GAREM1: variants seen among roughly 807,000 people sequenced by gnomAD.
The protein encoded by GAREM1 is GRB2 associated regulator of MAPK1 subtype 1.
GAREM1 carries 26 observed loss-of-function variants against 71.3 expected under a neutral mutation model. The ratio of observed to expected loss-of-function variants is 0.36; its 90% CI spans 0.27 to 0.51. The LOEUF is 0.51. Among genes scored for constraint, GAREM1 ranks in the 20% least tolerant of loss-of-function variants. The probability of loss-of-function intolerance (pLI) is 0.95; values close to 1 mark genes in which losing one functional copy is unlikely to be tolerated. For missense variants in GAREM1, 1,026 were observed against 1,103.1 expected (o/e 0.93, Z 0.99); for synonymous variants, 440 against 433.2 (o/e 1.02, Z -0.20).
At chr18:32,418,872 G>A (rs1212221208) in intron 1 of GAREM1, among the ~76,000 whole-genome samples, 3 of 152,178 alleles carry the variant, frequency 2.0e-5, no homozygotes, top group African/African-American at 7.2e-5. Context: ...GAAGGATAAC[G>A]TGTTAGTTTT....
chr18:32,306,061 T>C (rs1364266788), intron 3 of GAREM1, among the ~76,000 whole-genome samples: 1 of 152,256 alleles, frequency 6.6e-6, no homozygotes, highest in African/African-American at 2.4e-5. Flanking sequence ...TACTGTACTG[T>C]CCTGGTTAAC....
intron 2 of GAREM1, among the ~76,000 whole-genome samples, chr18:32,341,546 A>G (rs1276023603): frequency 6.6e-6 from 1 of 152,246 alleles, no homozygotes; most frequent in Admixed American, 6.5e-5. Flanking sequence ...TCCTTGAGGA[A>G]TCATCACACT....
intron 4 of GAREM1, among the ~76,000 whole-genome samples, chr18:32,271,474 T>G (rs767947073): frequency 1.5e-4 from 23 of 152,166 alleles, no homozygotes; most frequent in Non-Finnish European, 2.8e-4. Context: ...TATGAGACAT[T>G]GAGCCAGGCA....
chr18:32,418,798 T>C (rs951132970), intron 1 of GAREM1, among the ~76,000 whole-genome samples: 26 of 152,278 alleles, frequency 1.7e-4, no homozygotes, highest in Non-Finnish European at 3.5e-4. Context: ...TATTGTAAGC[T>C]TGAGAGATGC....
chr18:32,395,790 CT>C (rs1232446751), intron 1 of GAREM1, among the ~76,000 whole-genome samples: 2 of 152,192 alleles, frequency 1.3e-5, no homozygotes, highest in Non-Finnish European at 2.9e-5. Flanking sequence ...TTAAATGTCC[CT>C]GTCTGACAGC....
chr18:32,268,144 C>T lies in GAREM1; in HGVS notation c.2358G>A (p.Pro786=), dbSNP rs150643395. ...ATCTGGGGGCCAGCTGGAGATGGAG[C>T]GGAGATGAGAAAGGGTAGGAGGCAG... ...IFSASYPFSS[P]LHLQLAPRSC... Residue 786 remains proline, a synonymous_variant, in exon 6 of 6, where the codon CCG becomes CCA. Coordinates refer to ENST00000269209, the MANE Select transcript of GAREM1 (RefSeq NM_001242409.2). 3,613 of 1,613,980 alleles carry T rather than the reference C, an allele frequency of 2.2e-3. 12 individuals carry two copies. The highest frequency in any genetic ancestry group is 2.5e-3 in the Middle Eastern group (15 of 6,060).
At chr18:32,329,703 T>TAAAAAAAAAA (rs756082703) in intron 2 of GAREM1, among the ~76,000 whole-genome samples, 1 of 78,154 alleles carries the variant, frequency 1.3e-5, no homozygotes, top group African/African-American at 5.6e-5. Flanking sequence ...GAGACTCCAT[T>TAAAAAAAAAA]AAAAAAAAAA....
chr18:32,288,183 A>G lies in GAREM1; in HGVS notation c.414T>C (p.Asn138=). Residue 138 remains asparagine (N), a synonymous_variant, in exon 4 of 6, where the codon AAT becomes AAC. Coordinates refer to ENST00000269209, the MANE Select transcript of GAREM1 (RefSeq NM_001242409.2). ...TGATGTTGTAAACTTCAGTGTCTTC[A>G]TTGCATTCACCTGAAGCAACCTACA... is the stretch of plus-strand genomic sequence containing the variant. ...FNVKVASGEC[N]EDTEVYNITL... The G allele has an allele frequency of 6.2e-7, 1 of 1,607,218 alleles. No homozygotes were observed. The highest frequency in any genetic ancestry group is 1.7e-4 in the Middle Eastern group (1 of 6,032).
intron 1 of GAREM1, chr18:32,412,361 AT>A: frequency 1.9e-6 from 3 of 1,592,802 alleles, no homozygotes; most frequent in Non-Finnish European, 2.6e-6. Flanking sequence ...TGGGTCCAAA[AT>A]TTGAAGACTG....
Position 32,418,344 on chromosome 18 carries a change from C to T in GAREM1, c.122-25309G>A, listed in dbSNP as rs546803715. 1.3e-3 allele frequency among the ~76,000 whole-genome samples: 193 copies of T among 152,208 alleles called. 1 individual carries two copies. Among genetic ancestry groups the T allele is most frequent in the African/African-American group, 4.5e-3 (185 of 41,530 alleles). On this transcript the variant is annotated intron_variant, in intron 1 of 5. Coordinates refer to ENST00000269209, the MANE Select transcript of GAREM1 (RefSeq NM_001242409.2). ...AGTCCATGAGCCAAAGTCAACGGCT[C>T]CTGGTTGCTGTGTACTGTAAACACC...
intron 1 of GAREM1, chr18:32,413,336 A>G: frequency 2.5e-6 from 2 of 792,730 alleles, no homozygotes; most frequent in Admixed American, 2.6e-5. Flanking sequence ...ACAAAACCAC[A>G]TAAAACTTGA....
At position 32,378,012 on chromosome 18, in the gene GAREM1, C is replaced by CTGTGTGTGTGTG. The variant is rs1157230204; in HGVS notation, c.262+14871_262+14882dup. The stretch of plus-strand genomic sequence containing the variant: ...ATCCCAAAGATCACTTACTATATAA[C>CTGTGTGTGTGTG]TGTGTGTGTGTGTGTGTGTGTGTGT... On this transcript the variant is annotated intron_variant, in intron 2 of 5. Transcript: ENST00000269209. Among the ~76,000 whole-genome samples, 472 of 131,820 alleles carry CTGTGTGTGTGTG rather than the reference C, an allele frequency of 3.6e-3. 3 individuals are homozygous for CTGTGTGTGTGTG. The highest frequency in any genetic ancestry group is 8.0e-3 in the South Asian group (31 of 3,874). The allele number at this position is 131,820 out of a possible 152,430, so 86.5% of individuals were successfully genotyped here.
chr18:32,441,397 G>T (rs2048735872), intron 1 of GAREM1, among the ~76,000 whole-genome samples: 1 of 151,908 alleles, frequency 6.6e-6, no homozygotes, highest in Non-Finnish European at 1.5e-5. Flanking sequence ...TCCATCTAAA[G>T]AAAGAACACT....
intron 1 of GAREM1, 48 bp from the exon 2 acceptor site, chr18:32,393,083 T>C (rs760252078): frequency 1.4e-4 from 225 of 1,560,566 alleles, no homozygotes; most frequent in Non-Finnish European, 3.7e-5. Flanking sequence ...ATAATCTGCT[T>C]TCTCCATACT....
rs574997671 is a variant in GAREM1, at chr18:32,470,196, AG to A, written c.121+111del. On this transcript the variant is annotated intron_variant, in intron 1 of 5. Transcript: ENST00000269209. This position sits in a 1 kb window ranked among gnomAD's most constrained non-coding sequence, Gnocchi z 4.4. Reference sequence around the variant, plus strand: ...GCCGCTCGGGCCAACTCCGGCGCTCAGGGGCGGGCAGCCCACTCCCCGCGGG... The same window carrying A: ...GCCGCTCGGGCCAACTCCGGCGCTCAGGGCGGGCAGCCCACTCCCCGCGGG... 1.6e-4 allele frequency: 202 copies of A among 1,246,222 alleles called. No individual in the cohort carries two copies. In the African/African-American group the frequency reaches 2.9e-3, roughly 18 times the overall value. The allele number at this position is 1,246,222 out of a possible 1,614,324, so 77.2% of individuals were successfully genotyped here.
At chr18:32,302,901 CTG>C (rs2047214502) in intron 3 of GAREM1, among the ~76,000 whole-genome samples, 1 of 152,188 alleles carries the variant, frequency 6.6e-6, no homozygotes, top group African/African-American at 2.4e-5. Flanking sequence ...AGTGGCTCTG[CTG>C]CTAGGCACTG....
At chr18:32,449,908 A>C (rs966130544) in intron 1 of GAREM1, among the ~76,000 whole-genome samples, 5 of 152,134 alleles carry the variant, frequency 3.3e-5, no homozygotes, top group African/African-American at 1.2e-4. Flanking sequence ...AAAAGCTTAA[A>C]AGGTGAATAA....
At chr18:32,420,442 C>T (rs142602713) in intron 1 of GAREM1, among the ~76,000 whole-genome samples, 22 of 152,028 alleles carry the variant, frequency 1.4e-4, no homozygotes, top group African/African-American at 4.3e-4. Context: ...ATCTCTACCT[C>T]CCGGGATGCA....
intron 2 of GAREM1, among the ~76,000 whole-genome samples, chr18:32,312,197 T>C (rs2047331123): frequency 6.6e-6 from 1 of 152,204 alleles, no homozygotes; most frequent in Non-Finnish European, 1.5e-5. Context: ...AGAATAAATC[T>C]GGCAGTCATC....
Sources: gnomAD v4.1 joint callset for allele counts (sites outside exome capture counted in the v4.1 genomes callset) on GRCh38, gnomAD v4.1.1 for gene constraint, Gnocchi (gnomAD v3.1) non-coding constraint, MANE v1.5 for transcripts, NCBI Gene and HGNC (gene_info 2026-07-23, HGNC 2026-07-21) for gene names.